NR1D2: variants seen among roughly 807,000 people sequenced by gnomAD.
The protein encoded by NR1D2 is nuclear receptor subfamily 1 group D member 2.
In NR1D2, 25 loss-of-function variants were observed where a neutral mutation model predicts 52.2. The ratio of observed to expected loss-of-function variants is 0.48; its 90% CI spans 0.35 to 0.67. The LOEUF is 0.67. Ranked by LOEUF, NR1D2 falls within the 30% of genes least tolerant of loss-of-function variation. The pLI is 0.01. For synonymous variants in NR1D2, 259 were observed against 230.1 expected (o/e 1.13, Z -1.14); for missense variants, 681 against 707.2 (o/e 0.96, Z 0.42).
intron 1 of NR1D2, among the ~76,000 whole-genome samples, chr3:23,953,630 C>T (rs953943877): frequency 6.6e-6 from 1 of 152,098 alleles, no homozygotes; most frequent in African/African-American, 2.4e-5. Flanking sequence ...TAGTGGATAG[C>T]CACATATGTC....
intron 4 of NR1D2, among the ~76,000 whole-genome samples, chr3:23,960,845 T>C (rs994130243): frequency 2.0e-5 from 3 of 152,204 alleles, no homozygotes; most frequent in Non-Finnish European, 4.4e-5. Context: ...GTAGCAATAA[T>C]GTTAGAGGCT....
Position 23,980,286 on chromosome 3 carries a change from T to C in NR1D2, c.*2867T>C, listed in dbSNP as rs952423443. Reference sequence around the variant, plus strand: ...CTCAATTATTCTTTTTCTTTTCCAATATAAAGTTTGCTGAATGTACAAGAA... The same window carrying C: ...CTCAATTATTCTTTTTCTTTTCCAACATAAAGTTTGCTGAATGTACAAGAA... On this transcript the variant is annotated 3_prime_UTR_variant, in exon 8 of 8. Coordinates refer to ENST00000312521, the MANE Select transcript of NR1D2 (RefSeq NM_005126.5). 1.3e-5 allele frequency: 2 copies of C among 152,270 alleles called. 1 individual carries two copies. Among genetic ancestry groups the C allele is most frequent in the East Asian group, 3.9e-4 (2 of 5,184 alleles). The allele number at this position is 152,270 out of a possible 1,614,324, so 9.4% of individuals were successfully genotyped here.
At chr3:23,952,062 T>C (rs1705947974) in intron 1 of NR1D2, among the ~76,000 whole-genome samples, 1 of 152,216 alleles carries the variant, frequency 6.6e-6, no homozygotes, top group African/African-American at 2.4e-5. Context: ...CAAGAGGGCT[T>C]ATTAAAGTTT....
intron 1 of NR1D2, among the ~76,000 whole-genome samples, chr3:23,953,181 A>G (rs1367531253): frequency 6.6e-6 from 1 of 151,632 alleles, no homozygotes; most frequent in South Asian, 2.1e-4. Context: ...TACTAAAAAA[A>G]AAAATACAAA....
In NR1D2 at chr3:23,980,486, T is replaced by TA. The variant is rs565065022; in HGVS notation, c.*3068dup. 103 of 152,206 alleles carry TA rather than the reference T, an allele frequency of 6.8e-4. 1 individual carries two copies. Among genetic ancestry groups the TA allele is most frequent in the Middle Eastern group, 3.4e-3 (1 of 294 alleles). The allele number at this position is 152,206 out of a possible 1,614,324, so 9.4% of individuals were successfully genotyped here. ...CTATTGTTTAAAAAAATGATAGAAA[T>TA]ACATTGTTGATGGGATATGAGTTAA... On this transcript the variant is annotated 3_prime_UTR_variant, in exon 8 of 8. Transcript: ENST00000312521.
chr3:23,962,460 A>G lies in NR1D2; in HGVS notation c.1001A>G (p.His334Arg). 1.9e-6 allele frequency: 3 copies of G among 1,614,200 alleles called. No homozygotes were observed. The highest frequency in any genetic ancestry group is 8.5e-7 in the Non-Finnish European group (1 of 1,180,006). Reference sequence around the variant, plus strand: ...AATATAATGCATTACCCAAATGGTCATGCCATTTGTATTGCAAATGGACAT... The same window carrying G: ...AATATAATGCATTACCCAAATGGTCGTGCCATTTGTATTGCAAATGGACAT... ...GRNIMHYPNG[H>R]AICIANGHCM... Residue 334 changes from histidine to arginine, a missense_variant, in exon 5 of 8, where the codon CAT (histidine) becomes CGT (arginine). His to Arg is a conservative substitution (Grantham distance 29). Coordinates refer to ENST00000312521, the MANE Select transcript of NR1D2 (RefSeq NM_005126.5).
intron 6 of NR1D2, among the ~76,000 whole-genome samples, chr3:23,966,013 T>G (rs72628105): frequency 6.6e-6 from 1 of 152,212 alleles, no homozygotes; most frequent in African/African-American, 2.4e-5. Flanking sequence ...TGTATCCTGC[T>G]TGGGCTTGGG....
chr3:23,961,861 C>A, intron 4 of NR1D2, 116 bp from the exon 5 acceptor site: 1 of 943,594 alleles, frequency 1.1e-6, no homozygotes, highest in Non-Finnish European at 1.5e-6. Flanking sequence ...GACATGTAGA[C>A]TCATTCTTTA....
chr3:23,961,432 G>A (rs545999766), intron 4 of NR1D2, among the ~76,000 whole-genome samples: 1 of 102,826 alleles, frequency 9.7e-6, no homozygotes, highest in South Asian at 3.3e-4. Flanking sequence ...GTATTGCTCT[G>A]TCACCTAGGC....
intron 6 of NR1D2, among the ~76,000 whole-genome samples, chr3:23,967,431 A>G (rs1195926165): frequency 6.6e-6 from 1 of 151,764 alleles, no homozygotes; most frequent in East Asian, 1.9e-4. Context: ...CCTTGCTAAC[A>G]TGGTGAAACC....
intron 1 of NR1D2, chr3:23,946,352 CGAGG>C: frequency 2.1e-6 from 2 of 949,182 alleles, no homozygotes; most frequent in Non-Finnish European, 2.5e-6. Context: ...AAGTGCAGGA[CGAGG>C]GCGTGCTGCA....
chr3:23,954,055 C>T (rs2125285086), intron 1 of NR1D2, among the ~76,000 whole-genome samples: 1 of 152,314 alleles, frequency 6.6e-6, no homozygotes, highest in African/African-American at 2.4e-5. Flanking sequence ...GGCTAGAGTG[C>T]AGTAGCATGA....
chr3:23,946,636 T>C (rs561191077), intron 1 of NR1D2: 8 of 152,374 alleles, frequency 5.3e-5, no homozygotes, highest in East Asian at 1.9e-4. Context: ...AGCTCACGTA[T>C]GGTCAGGATG....
At chr3:23,947,859 T>A (rs1705798934) in intron 1 of NR1D2, among the ~76,000 whole-genome samples, 1 of 152,210 alleles carries the variant, frequency 6.6e-6, no homozygotes, top group African/African-American at 2.4e-5. Flanking sequence ...GGCTCACGCC[T>A]GTAATCCCAG....
At chr3:23,965,376 C>A (rs148485416) in intron 6 of NR1D2, among the ~76,000 whole-genome samples, 14 of 149,874 alleles carry the variant, frequency 9.3e-5, no homozygotes, top group African/African-American at 3.2e-4. Flanking sequence ...GTAGCTGGGA[C>A]TACAGGTGTG....
chr3:23,961,907 TTGTGTTATTCTTTTATACAAAAC>T (rs1463824769), intron 4 of NR1D2, 47 bp from the exon 5 acceptor site: 18 of 1,406,620 alleles, frequency 1.3e-5, no homozygotes, highest in Non-Finnish European at 1.7e-5. Flanking sequence ...TTGGATAATT[TTGTGTTATTCTTTTATACAAAAC>T]AGGTCTTATT....
At chr3:23,959,900 T>G in intron 4 of NR1D2, 85 bp downstream of exon 4, 38 of 1,229,518 alleles carry the variant, frequency 3.1e-5, no homozygotes, top group Non-Finnish European at 3.9e-5. Context: ...ATAAACCGGT[T>G]ACCAAGGACC....
chr3:23,948,565 C>T (rs1043643224), intron 1 of NR1D2, among the ~76,000 whole-genome samples: 3 of 152,122 alleles, frequency 2.0e-5, no homozygotes, highest in Non-Finnish European at 4.4e-5. Context: ...TGGAACTCTT[C>T]TAGTATAATG....
chr3:23,979,536 T>C lies in NR1D2; in HGVS notation c.*2117T>C, dbSNP rs554132569. Reference sequence around the variant, plus strand: ...TATGTTAGTATTGCTTATAAAACTTTAGTTAGGTTCAATATATACATATAT... The same window carrying C: ...TATGTTAGTATTGCTTATAAAACTTCAGTTAGGTTCAATATATACATATAT... On this transcript the variant is annotated 3_prime_UTR_variant, in exon 8 of 8. Transcript: ENST00000312521. 3.9e-5 allele frequency: 6 copies of C among 152,202 alleles called. No individual in the cohort carries two copies. In the East Asian group the frequency reaches 9.6e-4, roughly 24 times the overall value. The allele number at this position is 152,202 out of a possible 1,614,324, so 9.4% of individuals were successfully genotyped here.
Sources: allele counts gnomAD v4.1 joint callset (sites outside exome capture counted in the v4.1 genomes callset), GRCh38; gene constraint gnomAD v4.1.1; transcripts MANE v1.5; gene names NCBI Gene and HGNC (gene_info 2026-07-23, HGNC 2026-07-21).